Variants in KCTD16 observed in about 807,000 individuals in gnomAD.
The protein encoded by KCTD16 is potassium channel tetramerization domain containing 16.
A neutral mutation model predicts 33.2 loss-of-function variants in KCTD16; 13 were observed. The observed-to-expected ratio is 0.39, with a 90% confidence interval of 0.25 to 0.62. The LOEUF is 0.62. Among genes scored for constraint, KCTD16 ranks in the 20% least tolerant of loss-of-function variants. The pLI, the probability that KCTD16 is intolerant of heterozygous loss-of-function variation, is 0.50. For synonymous variants in KCTD16, 197 were observed against 195.3 expected, an observed-to-expected ratio of 1.01 and a Z score of -0.07; for missense variants, 441 against 525.1, an observed-to-expected ratio of 0.84 and a Z score of 1.57.
chr5:144,340,075 T>C (rs931776675), intron 3 of KCTD16, among the ~76,000 whole-genome samples: 5 of 152,116 alleles, frequency 3.3e-5, no homozygotes, highest in African/African-American at 7.2e-5. Flanking sequence ...AGTGATCAGA[T>C]ATTTTGAAGC....
chr5:144,349,252 T>C (rs548384292), intron 3 of KCTD16, among the ~76,000 whole-genome samples: 1 of 152,330 alleles, frequency 6.6e-6, no homozygotes, highest in South Asian at 2.1e-4. Context: ...TTTACATGTG[T>C]GGCCTCTGTA....
chr5:144,453,492 G>A lies in KCTD16; in HGVS notation c.833-20168G>A, dbSNP rs1030640235. ...AAAGTCAAAATGCCTTAACAGAAAGGATGAGGGGTTTTAGTGTTAGAAGCC... is the reference window on the plus strand; with the variant it reads ...AAAGTCAAAATGCCTTAACAGAAAGAATGAGGGGTTTTAGTGTTAGAAGCC... On this transcript the variant is annotated intron_variant, in intron 3 of 3. Coordinates refer to ENST00000512467, the MANE Select transcript of KCTD16 (RefSeq NM_020768.4). Among the ~76,000 whole-genome samples, 26 of 152,142 alleles carry A rather than the reference G, an allele frequency of 1.7e-4. 1 individual carries two copies. The highest frequency in any genetic ancestry group is 3.2e-3 in the Middle Eastern group (1 of 316).
intron 3 of KCTD16, among the ~76,000 whole-genome samples, chr5:144,349,695 G>A (rs937750520): frequency 2.0e-5 from 3 of 152,136 alleles, no homozygotes; most frequent in Admixed American, 6.5e-5. Flanking sequence ...TGAGAGCTGG[G>A]CCTTTCCCAT....
At chr5:144,352,196 G>A (rs1751457050) in intron 3 of KCTD16, among the ~76,000 whole-genome samples, 1 of 152,108 alleles carries the variant, frequency 6.6e-6, no homozygotes, top group African/African-American at 2.4e-5. Context: ...GGCATAATAT[G>A]ATAATGTCCT....
intron 3 of KCTD16, among the ~76,000 whole-genome samples, chr5:144,304,127 G>A (rs1281199534): frequency 6.6e-6 from 1 of 152,040 alleles, no homozygotes; most frequent in East Asian, 1.9e-4. Context: ...ATGTCTTATA[G>A]TAAAGAAAAA....
At chr5:144,409,553 C>T (rs957988944) in intron 3 of KCTD16, among the ~76,000 whole-genome samples, 2 of 151,868 alleles carry the variant, frequency 1.3e-5, no homozygotes, top group Non-Finnish European at 2.9e-5. Flanking sequence ...AAGGAGAAGA[C>T]AGCAATGAAA....
chr5:144,265,543 A>G (rs1755119270), intron 3 of KCTD16, among the ~76,000 whole-genome samples: 2 of 152,206 alleles, frequency 1.3e-5, no homozygotes, highest in Admixed American at 6.5e-5. Context: ...GCTTTATTCA[A>G]CCTAAATGCT....
At chr5:144,176,582 T>G (rs1382156612) in intron 2 of KCTD16, among the ~76,000 whole-genome samples, 2 of 150,606 alleles carry the variant, frequency 1.3e-5, no homozygotes, top group Admixed American at 1.3e-4. Flanking sequence ...TTTTGTATTT[T>G]TAGTAGAGAC....
At chr5:144,418,119 G>A (rs548822702) in intron 3 of KCTD16, among the ~76,000 whole-genome samples, 2 of 152,110 alleles carry the variant, frequency 1.3e-5, no homozygotes, top group African/African-American at 4.8e-5. Context: ...GGGTTGGTAG[G>A]TTCTCCTGCC....
intron 3 of KCTD16, among the ~76,000 whole-genome samples, chr5:144,457,553 A>C (rs1386920666): frequency 6.6e-6 from 1 of 152,166 alleles, no homozygotes; most frequent in African/African-American, 2.4e-5. Flanking sequence ...CTGAGAAGTA[A>C]AACAGGGGGT....
At chr5:144,216,570 G>A (rs1288594678) in intron 3 of KCTD16, among the ~76,000 whole-genome samples, 6 of 152,112 alleles carry the variant, frequency 3.9e-5, no homozygotes, top group Admixed American at 6.6e-5. Context: ...TCAGCCGGGC[G>A]CGGTGGCTCA....
chr5:144,328,434 C>G (rs996730546), intron 3 of KCTD16, among the ~76,000 whole-genome samples: 2 of 152,128 alleles, frequency 1.3e-5, no homozygotes, highest in African/African-American at 4.8e-5. Flanking sequence ...TAGGCCTTCC[C>G]CTGAGACTAG....
chr5:144,481,625 G>A lies in KCTD16; in HGVS notation c.*7511G>A, dbSNP rs1754705009. On this transcript the variant is annotated 3_prime_UTR_variant, in exon 4 of 4. Coordinates refer to ENST00000512467, the MANE Select transcript of KCTD16 (RefSeq NM_020768.4). Reference sequence around the variant, plus strand: ...GTCATTCTAATTCCATTTTATACAAGGGAAACTAAGGACCCAGAAAGTTTA... The same window carrying A: ...GTCATTCTAATTCCATTTTATACAAAGGAAACTAAGGACCCAGAAAGTTTA... 6.6e-6 allele frequency: 1 copy of A among 151,888 alleles called. No individual in the cohort carries two copies. Among genetic ancestry groups the A allele is most frequent in the African/African-American group, 2.4e-5 (1 of 41,392 alleles). The allele number at this position is 151,888 out of a possible 1,614,324, so 9.4% of individuals were successfully genotyped here.
At chr5:144,239,273 C>T (rs1754336661) in intron 3 of KCTD16, among the ~76,000 whole-genome samples, 1 of 152,012 alleles carries the variant, frequency 6.6e-6, no homozygotes, top group Admixed American at 6.6e-5. Context: ...GCTGTGTAGC[C>T]ATGATATCTT....
At chr5:144,411,928 G>T (rs999087513) in intron 3 of KCTD16, among the ~76,000 whole-genome samples, 1 of 152,068 alleles carries the variant, frequency 6.6e-6, no homozygotes, top group Non-Finnish European at 1.5e-5. Flanking sequence ...TAAAAAAATT[G>T]CCAAATCATG....
chr5:144,246,153 C>T (rs185856990), intron 3 of KCTD16, among the ~76,000 whole-genome samples: 47 of 152,176 alleles, frequency 3.1e-4, no homozygotes, highest in African/African-American at 1.0e-3. Flanking sequence ...CTTCATCAAG[C>T]TTCATATTAG....
intron 3 of KCTD16, among the ~76,000 whole-genome samples, chr5:144,321,654 A>C (rs1752077672): frequency 6.6e-6 from 1 of 152,164 alleles, no homozygotes; most frequent in Non-Finnish European, 1.5e-5. Context: ...TTATTCTATT[A>C]GATAAGATGT....
intron 3 of KCTD16, among the ~76,000 whole-genome samples, chr5:144,250,230 C>T (rs372588574): frequency 6.0e-4 from 92 of 152,218 alleles, no homozygotes; most frequent in African/African-American, 1.6e-3. Flanking sequence ...CTCATTGCAA[C>T]GTGAGGAATT....
intron 3 of KCTD16, among the ~76,000 whole-genome samples, chr5:144,271,069 C>T (rs1347114517): frequency 6.6e-6 from 1 of 151,948 alleles, no homozygotes; most frequent in Non-Finnish European, 1.5e-5. Context: ...GATGGCTTTG[C>T]TGATACATTC....
Sources: gnomAD v4.1 joint callset for allele counts (sites outside exome capture counted in the v4.1 genomes callset) on GRCh38, gnomAD v4.1.1 for gene constraint, MANE v1.5 for transcripts, NCBI Gene and HGNC (gene_info 2026-07-23, HGNC 2026-07-21) for gene names.